CSMD2: variants seen among roughly 807,000 people sequenced by gnomAD.
CSMD2 encodes CUB and sushi domain-containing protein 2.
In CSMD2, 130 loss-of-function variants were observed where a neutral mutation model predicts 398.5. The ratio of observed to expected loss-of-function variants is 0.33; its 90% CI spans 0.28 to 0.38. The LOEUF (loss-of-function observed/expected upper bound fraction) is 0.38. CSMD2 is among the 10% of genes least tolerant of loss of function. The pLI is 1.00. For missense variants in CSMD2, 3,829 were observed against 4,764.9 expected (o/e 0.80, Z 5.78); for synonymous variants, 1,828 against 1,908.5 (o/e 0.96, Z 1.10).
chr1:33,536,940 G>A, intron 62 of CSMD2, 82 bp downstream of exon 62: 1 of 1,352,834 alleles, frequency 7.4e-7, no homozygotes, highest in South Asian at 1.2e-5. Flanking sequence ...CTGTCCTGAG[G>A]AAGGTCTCTG....
chr1:33,653,614 C>T (rs1643870893), intron 27 of CSMD2, among the ~76,000 whole-genome samples: 1 of 152,154 alleles, frequency 6.6e-6, no homozygotes, highest in African/African-American at 2.4e-5. Flanking sequence ...CCAGGTGACA[C>T]AGCAACCTAT....
At chr1:33,887,563 A>T (rs1346739787) in intron 5 of CSMD2, among the ~76,000 whole-genome samples, 2 of 152,226 alleles carry the variant, frequency 1.3e-5, no homozygotes, top group African/African-American at 4.8e-5. Flanking sequence ...TTTTTAAAAA[A>T]TAACACTACT....
chr1:33,658,453 T>G (rs1019607414), intron 26 of CSMD2, among the ~76,000 whole-genome samples: 1 of 152,238 alleles, frequency 6.6e-6, no homozygotes, highest in Admixed American at 6.5e-5. Flanking sequence ...ACTGTTATAA[T>G]TATAGAATTG....
At chr1:33,682,696 G>T (rs1471941891) in intron 25 of CSMD2, among the ~76,000 whole-genome samples, 1 of 152,114 alleles carries the variant, frequency 6.6e-6, no homozygotes, top group African/African-American at 2.4e-5. Context: ...CCAAATGCTT[G>T]TAGGGATTTT....
chr1:33,851,242 T>A (rs188509170), intron 5 of CSMD2, among the ~76,000 whole-genome samples: 7 of 152,202 alleles, frequency 4.6e-5, no homozygotes, highest in African/African-American at 1.7e-4. Context: ...AAGCCTGTAA[T>A]GTACACGATT....
intron 1 of CSMD2, among the ~76,000 whole-genome samples, chr1:34,110,751 A>G (rs1661001848): frequency 6.6e-6 from 1 of 152,212 alleles, no homozygotes; most frequent in Non-Finnish European, 1.5e-5. Context: ...CTGAGGGTGG[A>G]GAACGGGAGG....
intron 3 of CSMD2, among the ~76,000 whole-genome samples, chr1:34,023,448 A>G (rs1049882523): frequency 6.6e-6 from 1 of 152,190 alleles, no homozygotes; most frequent in Non-Finnish European, 1.5e-5. Flanking sequence ...AAAGCCTTAT[A>G]TAGACTAGTA....
At chr1:33,695,128 A>G (rs1191119315) in intron 24 of CSMD2, among the ~76,000 whole-genome samples, 1 of 152,148 alleles carries the variant, frequency 6.6e-6, no homozygotes, top group East Asian at 1.9e-4. Flanking sequence ...GATGGGAAGG[A>G]GGGCACTGCA....
chr1:34,060,257 C>G (rs187086211), intron 2 of CSMD2, among the ~76,000 whole-genome samples: 2 of 152,238 alleles, frequency 1.3e-5, no homozygotes, highest in East Asian at 1.9e-4. Flanking sequence ...AAGGAACAGA[C>G]AGTAGGATTC....
intron 27 of CSMD2, among the ~76,000 whole-genome samples, chr1:33,654,743 T>A (rs1643897949): frequency 6.6e-6 from 1 of 152,182 alleles, no homozygotes; most frequent in South Asian, 2.1e-4. Flanking sequence ...ATATCAGAAG[T>A]CCCAACTCTG....
At chr1:33,888,905 C>CT (rs1262127501) in intron 5 of CSMD2, among the ~76,000 whole-genome samples, 3 of 152,032 alleles carry the variant, frequency 2.0e-5, no homozygotes, top group Admixed American at 6.5e-5. Context: ...GTAGCTGGGA[C>CT]TATAGGCGCC....
At chr1:33,585,874 T>G (rs537276922) in intron 46 of CSMD2, among the ~76,000 whole-genome samples, 14 of 152,370 alleles carry the variant, frequency 9.2e-5, no homozygotes, top group South Asian at 4.1e-4. Context: ...CATTCTAAAC[T>G]GGTTTATGTT....
chr1:34,053,159 C>A (rs1369283778), intron 2 of CSMD2, among the ~76,000 whole-genome samples: 1 of 152,198 alleles, frequency 6.6e-6, no homozygotes, highest in Non-Finnish European at 1.5e-5. Flanking sequence ...TTGGGGCACA[C>A]ACCATCAATC....
intron 6 of CSMD2, among the ~76,000 whole-genome samples, chr1:33,841,443 G>T (rs986007216): frequency 2.0e-5 from 3 of 152,294 alleles, no homozygotes; most frequent in Non-Finnish European, 4.4e-5. Flanking sequence ...GGGTTAACAA[G>T]AGCCCCTCTC....
In CSMD2 at chr1:33,746,865, A is replaced by C. The variant is rs1288445355; in HGVS notation, c.1847-3259T>G. 2.0e-5 allele frequency among the ~76,000 whole-genome samples: 3 copies of C among 152,246 alleles called. No individual in the cohort carries two copies. In the East Asian group the frequency reaches 5.8e-4, roughly 29 times the overall value. ...CATCCCACTCCAAACCTCGACCAAC[A>C]GATTGACCAAAGTCTGTACAAATAT... is the stretch of plus-strand genomic sequence containing the variant. On this transcript the variant is annotated intron_variant, in intron 13 of 70. Coordinates refer to ENST00000373381, the MANE Select transcript of CSMD2 (RefSeq NM_001281956.2).
At chr1:33,686,773 G>A (rs1180398727) in intron 25 of CSMD2, among the ~76,000 whole-genome samples, 3 of 152,124 alleles carry the variant, frequency 2.0e-5, no homozygotes, top group African/African-American at 4.8e-5. Context: ...TAGCCTCATC[G>A]GCTAGCCTGC....
At position 33,772,678 on chromosome 1, in the gene CSMD2, G is replaced by A. The variant is rs139436039; in HGVS notation, c.1737C>T (p.His579=). Residue 579 remains histidine (H), a synonymous_variant, in exon 13 of 71, where the codon CAC becomes CAT. Transcript: ENST00000373381. The stretch of plus-strand genomic sequence containing the variant: ...GGCACTCAAACTTGAGTGTGTCACC[G>A]TGGTGAAACCGGGAGCCTTCCCTCC... ...YGRREGSRFH[H]GDTLKFECQP... is the part of the protein sequence containing the mutation. 71 of 1,614,094 alleles carry A rather than the reference G, an allele frequency of 4.4e-5. No homozygotes were observed. The highest frequency in any genetic ancestry group is 5.3e-5 in the African/African-American group (4 of 75,036).
In CSMD2 at chr1:33,580,942, C is replaced by G. The variant is rs562016801; in HGVS notation, c.7241-43G>C. The G allele has an allele frequency of 8.7e-5, 140 of 1,604,546 alleles. 4 individuals are homozygous for G. In the South Asian group the frequency reaches 1.5e-3, roughly 18 times the overall value. ...CAGGATTACAGACCATGGGAGCCAT[C>G]ACAGGGAGCCTCCAGGGAAGACCTC... On this transcript the variant is annotated intron_variant, in intron 47 of 70. Transcript: ENST00000373381.
At chr1:33,944,152 A>T (rs1377908767) in intron 3 of CSMD2, among the ~76,000 whole-genome samples, 1 of 152,022 alleles carries the variant, frequency 6.6e-6, no homozygotes, top group Non-Finnish European at 1.5e-5. Flanking sequence ...TGACCCACAG[A>T]CCACAGTTTG....
Sources: gnomAD v4.1 joint callset for allele counts (sites outside exome capture counted in the v4.1 genomes callset) on GRCh38, gnomAD v4.1.1 for gene constraint, MANE v1.5 for transcripts, NCBI Gene and HGNC (gene_info 2026-07-23, HGNC 2026-07-21) for gene names.